DERL2: variants seen among roughly 807,000 people sequenced by gnomAD.
DERL2 encodes derlin-2.
Under a neutral mutation model 32.0 loss-of-function variants are expected in DERL2, and 13 were observed. The observed-to-expected ratio is 0.41, with a 90% CI of 0.26 to 0.65. The LOEUF (loss-of-function observed/expected upper bound fraction) is 0.65. DERL2 is among the 30% of genes least tolerant of loss of function. The pLI is 0.35. For synonymous variants in DERL2, 111 were observed against 104.7 expected, an observed-to-expected ratio of 1.06 and a Z score of -0.37; for missense variants, 208 against 296.3, an observed-to-expected ratio of 0.70 and a Z score of 2.19.
At chr17:5,480,980 T>A in intron 4 of DERL2, 1 of 549,626 alleles carries the variant, frequency 1.8e-6, no homozygotes, top group Non-Finnish European at 3.2e-6. Context: ...TGAAAATTCT[T>A]TTTCTGAAAA....
chr17:5,478,648 C>A (rs749249264), intron 6 of DERL2, among the ~76,000 whole-genome samples: 1 of 152,190 alleles, frequency 6.6e-6, no homozygotes. Context: ...GATTTAGCTA[C>A]AAGGACATTC....
At chr17:5,478,568 CGTTT>C (rs1905541135) in intron 6 of DERL2, among the ~76,000 whole-genome samples, 3 of 152,116 alleles carry the variant, frequency 2.0e-5, no homozygotes, top group African/African-American at 7.2e-5. Flanking sequence ...TTCTGGAAGG[CGTTT>C]GGCAACAAAA....
intron 6 of DERL2, chr17:5,478,147 T>G (rs929815776): frequency 6.6e-6 from 1 of 152,164 alleles, no homozygotes; most frequent in Non-Finnish European, 1.5e-5. Flanking sequence ...GAGGATCACC[T>G]GAGGACTGGA....
chr17:5,485,947 T>A (rs770529444), intron 1 of DERL2, 122 bp downstream of exon 1: 1 of 807,462 alleles, frequency 1.2e-6, no homozygotes, highest in African/African-American at 1.7e-5. Context: ...GTAATCCCTG[T>A]ACGCCTCCAC....
Position 5,474,705 on chromosome 17 carries a change from C to G in DERL2, c.699G>C (p.Glu233Asp), listed in dbSNP as rs760946814. 3.1e-6 allele frequency: 5 copies of G among 1,612,386 alleles called. No homozygotes were observed. Among genetic ancestry groups the G allele is most frequent in the Middle Eastern group, 1.7e-4 (1 of 5,828 alleles). ...EERPGGFAWGEGQRLGG is the reference protein window; with the variant it reads ...EERPGGFAWGDGQRLGG Reference sequence around the variant, plus strand: ...TGCTTTAACCTCCAAGCCGCTGGCCCTCACCCCAGGCGAAGCCTCCTGGCC... The same window carrying G: ...TGCTTTAACCTCCAAGCCGCTGGCCGTCACCCCAGGCGAAGCCTCCTGGCC... The change falls in exon 7 of 7, where the codon GAG (glutamate) becomes GAC (aspartate). Residue 233 changes from glutamate to aspartate, a missense_variant. Around this residue, in one of 3 missense-constraint regions of DERL2, gnomAD observed 40 missense variants for 38.7 expected, o/e 1.03. Transcript: ENST00000158771. This position sits in a 1 kb window ranked among gnomAD's most constrained non-coding sequence, Gnocchi z 4.3.
At chr17:5,478,032 A>G (rs1415250111) in intron 6 of DERL2, 1 of 152,188 alleles carries the variant, frequency 6.6e-6, no homozygotes, top group Non-Finnish European at 1.5e-5. Context: ...TGAGCCTGGT[A>G]TATCTTGTTG....
rs925317518 is a variant in DERL2 at position 5,474,384 on chromosome 17, G to C, written c.*300C>G. 1 of 224,462 alleles carries C rather than the reference G, an allele frequency of 4.5e-6. No individual in the cohort carries two copies. Among genetic ancestry groups the C allele is most frequent in the Non-Finnish European group, 8.6e-6 (1 of 115,824 alleles). The allele number at this position is 224,462 out of a possible 1,614,324, so 13.9% of individuals were successfully genotyped here. On this transcript the variant is annotated 3_prime_UTR_variant, in exon 7 of 7. Transcript: ENST00000158771. The surrounding 1 kb of genome is among the most constrained non-coding windows in gnomAD (Gnocchi z 4.3). ...CATCTATCAAGAAGAGGAAGAAAAG[G>C]CTCTGCCTTATACCATAAAAATCAA...
chr17:5,485,919 G>T, intron 1 of DERL2, 150 bp downstream of exon 1: 1 of 561,642 alleles, frequency 1.8e-6, no homozygotes, highest in Non-Finnish European at 3.0e-6. Context: ...CATTCTTGGC[G>T]CCAACTCGAA....
rs943595587 is a variant in DERL2 at position 5,473,028 on chromosome 17, C to T, written c.*1656G>A. ...CTTAAATACCATTAGTTATGCAATT[C>T]CATTTAAAGACATTAAAACACTTTT... On this transcript the variant is annotated 3_prime_UTR_variant, in exon 7 of 7. Transcript: ENST00000158771. 3.9e-5 allele frequency: 6 copies of T among 152,154 alleles called. No individual in the cohort carries two copies. Among genetic ancestry groups the T allele is most frequent in the African/African-American group, 7.2e-5 (3 of 41,430 alleles). 9.4% of individuals were successfully genotyped at this position (152,154 alleles called of 1,614,324 possible). A position where few individuals can be genotyped will look rare whatever the true frequency, so the allele number is the denominator to read the frequency against.
In DERL2 at chr17:5,482,799, TA is replaced by T. The variant is rs1378962589; in HGVS notation, c.233+9del. ...AAGTTTTGATGCTGACCCCATTTAATAAAGGATACAGAAAAATCATGTTAAA... is the reference window on the plus strand; with the variant it reads ...AAGTTTTGATGCTGACCCCATTTAATAAGGATACAGAAAAATCATGTTAAA... On this transcript the variant is annotated intron_variant, in intron 3 of 6. Transcript: ENST00000158771. 7.0e-7 allele frequency: 1 copy of T among 1,430,546 alleles called. No individual in the cohort carries two copies. Among genetic ancestry groups the T allele is most frequent in the East Asian group, 2.3e-5 (1 of 43,388 alleles). 88.6% of individuals were successfully genotyped at this position (1,430,546 alleles called of 1,614,324 possible).
chr17:5,484,404 G>A (rs1303376078), intron 2 of DERL2, among the ~76,000 whole-genome samples: 1 of 152,198 alleles, frequency 6.6e-6, no homozygotes, highest in East Asian at 1.9e-4. Context: ...GTGCCATCAC[G>A]CCTGGCTAAT....
intron 6 of DERL2, among the ~76,000 whole-genome samples, chr17:5,477,265 A>C (rs773250109): frequency 6.6e-6 from 1 of 152,216 alleles, no homozygotes; most frequent in Non-Finnish European, 1.5e-5. Flanking sequence ...GTACATGCAT[A>C]CTGTACAATT....
At chr17:5,480,176 G>T in intron 5 of DERL2, 32 bp from the exon 6 acceptor site, 1 of 1,477,962 alleles carries the variant, frequency 6.8e-7, no homozygotes. Context: ...GGATGAGGGA[G>T]AGAATTAAAA....
rs1905236319 is a variant in DERL2 at position 5,473,953 on chromosome 17, A to G, written c.*731T>C. The stretch of plus-strand genomic sequence containing the variant: ...CAAATAAGATGCCACATTAGCTTAC[A>G]GCTGACTTTCCTATAGCTGAATTCC... On this transcript the variant is annotated 3_prime_UTR_variant, in exon 7 of 7. Coordinates refer to ENST00000158771, the MANE Select transcript of DERL2 (RefSeq NM_016041.5). 1 of 152,222 alleles carries G rather than the reference A, an allele frequency of 6.6e-6. No homozygotes were observed. The highest frequency in any genetic ancestry group is 1.5e-5 in the Non-Finnish European group (1 of 68,034). 9.4% of individuals were successfully genotyped at this position (152,222 alleles called of 1,614,324 possible).
At chr17:5,485,326 AT>A (rs1346108935) in intron 1 of DERL2, 110 bp from the exon 2 acceptor site, 1 of 698,930 alleles carries the variant, frequency 1.4e-6, no homozygotes, top group Non-Finnish European at 2.4e-6. Context: ...CTTAGACGTG[AT>A]TTCCTTTAAG....
In DERL2 at chr17:5,474,766, T is replaced by C; in HGVS notation, c.638A>G (p.Asp213Gly). 6.2e-7 allele frequency: 1 copy of C among 1,613,724 alleles called. No individual in the cohort carries two copies. The highest frequency in any genetic ancestry group is 8.5e-7 in the Non-Finnish European group (1 of 1,179,856). The change falls in exon 7 of 7, where the codon GAT becomes GGT. Residue 213 changes from aspartate to glycine, a missense_variant. By Grantham distance (94) the Asp-to-Gly change is moderately conservative (BLOSUM62 -1). Transcript: ENST00000158771. The surrounding 1 kb of genome is among the most constrained non-coding windows in gnomAD (Gnocchi z 4.3). ...TAGTGGATTGTAATTTGGATCCTCA[T>C]CTGGTGTATCAAAAATAGCTTTCCT... ...SILKAIFDTP[D>G]EDPNYNPLPE...
At chr17:5,485,267 C>T in intron 1 of DERL2, 51 bp from the exon 2 acceptor site, 1 of 1,338,334 alleles carries the variant, frequency 7.5e-7, no homozygotes, top group South Asian at 1.3e-5. Context: ...AAAATTTCAT[C>T]ATTTACAACA....
intron 2 of DERL2, among the ~76,000 whole-genome samples, chr17:5,483,963 T>C (rs1905973231): frequency 6.6e-6 from 1 of 152,230 alleles, no homozygotes; most frequent in Non-Finnish European, 1.5e-5. Context: ...GTTCTACATA[T>C]TAATTATCCA....
intron 2 of DERL2, 74 bp downstream of exon 2, chr17:5,485,077 A>T (rs1035603056): frequency 9.0e-7 from 1 of 1,112,580 alleles, no homozygotes; most frequent in Non-Finnish European, 1.3e-6. Context: ...GATAGTGTAT[A>T]ACAGGATTTG....
Sources: gnomAD v4.1 joint callset for allele counts (sites outside exome capture counted in the v4.1 genomes callset) on GRCh38, gnomAD v4.1.1 for gene constraint, gnomAD v4.1.1 regional missense constraint, Gnocchi (gnomAD v3.1) non-coding constraint, MANE v1.5 for transcripts, NCBI Gene and HGNC (gene_info 2026-07-23, HGNC 2026-07-21) for gene names.